Variants in PDGFRA observed in about 807,000 individuals in gnomAD.
PDGFRA encodes platelet-derived growth factor receptor alpha.
In PDGFRA, 25 loss-of-function variants were observed where a neutral mutation model predicts 121.5. The observed-to-expected ratio is 0.21, with a 90% confidence interval of 0.15 to 0.29. The LOEUF (loss-of-function observed/expected upper bound fraction) is 0.29, where lower values mean the gene tolerates loss of function less well. PDGFRA is among the 10% of genes least tolerant of loss of function. The pLI is 1.00. For synonymous variants in PDGFRA, 463 were observed against 494.8 expected (o/e 0.94, Z 0.85); for missense variants, 1,008 against 1,345.1 (o/e 0.75, Z 3.92).
rs1205648487 is a variant in PDGFRA at position 54,229,346 on chromosome 4, T to C, written c.-82T>C. ...CAGAGGAGGAGACTGCAAGAGATCA[T>C]TGGAGGCCGTGGGCACGCTCTTTAC... On this transcript the variant is annotated 5_prime_UTR_variant, in exon 1 of 23. Transcript: ENST00000257290. 1 of 398,592 alleles carries C rather than the reference T, an allele frequency of 2.5e-6. No homozygotes were observed. The highest frequency in any genetic ancestry group is 4.4e-5 in the Admixed American group (1 of 22,730). 24.7% of individuals were successfully genotyped at this position (398,592 alleles called of 1,614,324 possible). A position where few individuals can be genotyped will look rare whatever the true frequency, so the allele number is the denominator to read the frequency against.
chr4:54,238,791 C>A (rs1414164436), intron 1 of PDGFRA, among the ~76,000 whole-genome samples: 2 of 152,084 alleles, frequency 1.3e-5, no homozygotes, highest in Non-Finnish European at 2.9e-5. Flanking sequence ...CATAGTGAGA[C>A]CTTGTCTCTA....
At chr4:54,246,451 C>G (rs1356470577) in intron 1 of PDGFRA, among the ~76,000 whole-genome samples, 1 of 152,180 alleles carries the variant, frequency 6.6e-6, no homozygotes, top group Non-Finnish European at 1.5e-5. Context: ...ACTGAACAAC[C>G]TGCTCCTGAA....
In PDGFRA at chr4:54,273,616, A is replaced by T. The variant is rs1423737250; in HGVS notation, c.1444A>T (p.Ser482Cys). 6.2e-7 allele frequency: 1 copy of T among 1,614,088 alleles called. No homozygotes were observed. The highest frequency in any genetic ancestry group is 8.5e-7 in the Non-Finnish European group (1 of 1,179,978). ...CACGGAGATCCACTCCCGAGACAGG[A>T]GTACCGTGGAGGGCCGTGTGACTTT... ...IITEIHSRDR[S>C]TVEGRVTFAK... Residue 482 changes from serine to cysteine, a missense_variant, in exon 10 of 23, where the codon AGT (serine) becomes TGT (cysteine). Around this residue, in one of 5 missense-constraint regions of PDGFRA, gnomAD observed 575 missense variants for 701.8 expected, o/e 0.82. Coordinates refer to ENST00000257290, the MANE Select transcript of PDGFRA (RefSeq NM_006206.6).
At chr4:54,286,053 T>A (rs1326117345) in intron 18 of PDGFRA, 90 bp downstream of exon 18, 1 of 1,362,416 alleles carries the variant, frequency 7.3e-7, no homozygotes, top group Non-Finnish European at 1.0e-6. Flanking sequence ...TCGGTGCCTG[T>A]TTTTTAAAAC....
intron 12 of PDGFRA, among the ~76,000 whole-genome samples, chr4:54,275,340 T>A (rs1440565674): frequency 6.6e-6 from 1 of 152,212 alleles, no homozygotes; most frequent in Non-Finnish European, 1.5e-5. Context: ...CCACAAAATG[T>A]ATTTTGATTC....
intron 13 of PDGFRA, 88 bp downstream of exon 13, chr4:54,277,580 G>A (rs984258159): frequency 1.1e-6 from 1 of 873,848 alleles, no homozygotes; most frequent in Non-Finnish European, 1.9e-6. Context: ...CATGCAGCTA[G>A]TAAATAAGAC....
In PDGFRA at chr4:54,297,700, T is replaced by C. The variant is rs942787140; in HGVS notation, c.*2428T>C. 2 of 233,600 alleles carry C rather than the reference T, an allele frequency of 8.6e-6. No homozygotes were observed. The highest frequency in any genetic ancestry group is 1.7e-5 in the Non-Finnish European group (2 of 118,062). The allele number at this position is 233,600 out of a possible 1,614,324, so 14.5% of individuals were successfully genotyped here. ...CAGCAAATTCCAGATTTGTTTCCTT[T>C]TGGCCTCCTGCAAAGTCTCCAGAAG... On this transcript the variant is annotated 3_prime_UTR_variant, in exon 23 of 23. Transcript: ENST00000257290.
At chr4:54,243,145 C>A (rs965041347) in intron 1 of PDGFRA, among the ~76,000 whole-genome samples, 26 of 152,146 alleles carry the variant, frequency 1.7e-4, no homozygotes, top group Admixed American at 1.6e-3. Context: ...TGGCCACCAG[C>A]CTTTGGGGAA....
chr4:54,285,605 G>A, intron 17 of PDGFRA, 119 bp downstream of exon 17: 1 of 740,826 alleles, frequency 1.3e-6, no homozygotes, highest in South Asian at 1.4e-5. Context: ...TTACTTACCT[G>A]TCTCTCTCCT....
At chr4:54,288,752 T>C in intron 19 of PDGFRA, 47 bp from the exon 20 acceptor site, 3 of 1,009,244 alleles carry the variant, frequency 3.0e-6, no homozygotes, top group South Asian at 1.3e-5. Flanking sequence ...GTTTCAGCAA[T>C]GCACTGAGCG....
intron 21 of PDGFRA, 109 bp downstream of exon 21, chr4:54,289,223 T>A: frequency 1.4e-6 from 1 of 738,104 alleles, no homozygotes; most frequent in Non-Finnish European, 2.5e-6. Context: ...GGCAAAAGAC[T>A]GTGTGATCCA....
At chr4:54,293,024 A>C (rs2110353959) in intron 22 of PDGFRA, among the ~76,000 whole-genome samples, 1 of 152,180 alleles carries the variant, frequency 6.6e-6, no homozygotes, top group African/African-American at 2.4e-5. Context: ...CCTTGAACAT[A>C]AAATAAAAGT....
chr4:54,262,398 G>T (rs923814739), intron 3 of PDGFRA, among the ~76,000 whole-genome samples: 5 of 152,092 alleles, frequency 3.3e-5, no homozygotes, highest in African/African-American at 9.7e-5. Flanking sequence ...AGGACAAAAG[G>T]GTCGAGCACA....
intron 1 of PDGFRA, among the ~76,000 whole-genome samples, chr4:54,247,272 A>G (rs1475722275): frequency 2.0e-5 from 3 of 152,226 alleles, no homozygotes; most frequent in Non-Finnish European, 4.4e-5. Flanking sequence ...ACCAAAAAAG[A>G]GAATTTTAGA....
chr4:54,284,682 A>G (rs978230063), intron 16 of PDGFRA, among the ~76,000 whole-genome samples: 1 of 151,858 alleles, frequency 6.6e-6, no homozygotes, highest in African/African-American at 2.4e-5. Flanking sequence ...GTGCTAAACC[A>G]TTTGTGAGAA....
chr4:54,263,596 A>G, intron 3 of PDGFRA, 71 bp from the exon 4 acceptor site: 1 of 1,417,440 alleles, frequency 7.1e-7, no homozygotes, highest in Non-Finnish European at 1.0e-6. Flanking sequence ...CCAGTGGGAT[A>G]GTTTTTCTGG....
At chr4:54,271,370 C>T (rs1723343994) in intron 8 of PDGFRA, among the ~76,000 whole-genome samples, 1 of 152,156 alleles carries the variant, frequency 6.6e-6, no homozygotes, top group Non-Finnish European at 1.5e-5. Flanking sequence ...ATTTATTTGA[C>T]CACAGATTTA....
chr4:54,270,049 CA>C (rs1466904630), intron 7 of PDGFRA, among the ~76,000 whole-genome samples: 1 of 152,056 alleles, frequency 6.6e-6, no homozygotes, highest in African/African-American at 2.4e-5. Context: ...CTCCTGTCCC[CA>C]GCTGCCCAGT....
rs2110309349 is a variant in PDGFRA at position 54,277,485 on chromosome 4, G to A, written c.1884G>A (p.Met628Ile). Residue 628 changes from methionine (M) to isoleucine (I), a missense_variant, in exon 13 of 23, where the codon ATG becomes ATA. Met to Ile is a conservative substitution (Grantham distance 10). This residue lies in a region of PDGFRA where 61 missense variants were observed against 125.3 expected (regional missense o/e 0.49). Coordinates refer to ENST00000257290, the MANE Select transcript of PDGFRA (RefSeq NM_006206.6). ...CTGTCATGAAAGTTGCAGTGAAGAT[G>A]CTAAAACGTAAGTGCTCCTTCCTGG... ...SQPVMKVAVK[M>I]LKPTARSSEK... 6.2e-7 allele frequency: 1 copy of A among 1,609,448 alleles called. No individual in the cohort carries two copies. The highest frequency in any genetic ancestry group is 8.5e-7 in the Non-Finnish European group (1 of 1,175,760).
Sources: allele counts gnomAD v4.1 joint callset (sites outside exome capture counted in the v4.1 genomes callset), GRCh38; gene constraint gnomAD v4.1.1; regional missense constraint gnomAD v4.1.1; transcripts MANE v1.5; gene names NCBI Gene and HGNC (gene_info 2026-07-23, HGNC 2026-07-21).